The following ZFX variants were observed in gnomAD, a reference collection of about 807,000 sequenced individuals.
ZFX encodes zinc finger X-chromosomal protein.
For missense variants in ZFX, 362 were observed against 628.3 expected (o/e 0.58, Z 4.53); for synonymous variants, 196 against 226.8 (o/e 0.86, Z 1.22).
chrX:24,215,713 G>A lies in ZFX; in HGVS notation c.*4337G>A, dbSNP rs182378161. The A allele has an allele frequency of 1.8e-5, 2 of 111,009 alleles. No homozygotes were observed. Among genetic ancestry groups the A allele is most frequent in the East Asian group, 5.6e-4 (2 of 3,589 alleles). The allele number at this position is 111,009 out of a possible 1,213,427, so 9.1% of individuals were successfully genotyped here. ...AAGTGTGAGCCTGCCAAGTCAACAAGTATGCCTTTAGCGCACATGTAAATA... is the reference window on the plus strand; with the variant it reads ...AAGTGTGAGCCTGCCAAGTCAACAAATATGCCTTTAGCGCACATGTAAATA... On this transcript the variant is annotated 3_prime_UTR_variant, in exon 10 of 10. Transcript: ENST00000304543.
chrX:24,185,339 T>A (rs1196735241), intron 5 of ZFX, among the ~76,000 whole-genome samples: 1 of 112,463 alleles, frequency 8.9e-6, no homozygotes, highest in African/African-American at 3.2e-5. Context: ...GATCATATTT[T>A]AAAATTTAAT....
At chrX:24,164,935 C>T (rs1361933437) in intron 3 of ZFX, among the ~76,000 whole-genome samples, 3 of 102,522 alleles carry the variant, frequency 2.9e-5, no homozygotes, top group South Asian at 4.4e-4. Flanking sequence ...AGTGAAACTC[C>T]GTCTGAAAAA....
At chrX:24,172,693 T>G (rs1452426715) in intron 3 of ZFX, 22 bp from the exon 4 acceptor site, 1 of 1,103,778 alleles carries the variant, frequency 9.1e-7, no homozygotes. Context: ...ATGGCTTTGG[T>G]TTACTTTTTT....
At chrX:24,162,142 C>T (rs760666238) in intron 3 of ZFX, among the ~76,000 whole-genome samples, 7 of 110,974 alleles carry the variant, frequency 6.3e-5, no homozygotes, top group African/African-American at 2.3e-4. Flanking sequence ...GCAGGAGAAT[C>T]GCTTGAACCT....
chrX:24,149,476 A>C (rs1055521392), upstream of ZFX: 1 of 110,589 alleles, frequency 9.0e-6, no homozygotes, highest in African/African-American at 3.3e-5. Flanking sequence ...GCCGCCGGAG[A>C]CCCCGCCGCA....
At chrX:24,194,628 C>G (rs765123590) in intron 5 of ZFX, among the ~76,000 whole-genome samples, 1 of 111,601 alleles carries the variant, frequency 9.0e-6, no homozygotes, top group Non-Finnish European at 1.9e-5. Context: ...ACATTTATTT[C>G]CATGTTTAAT....
rs747079975 is a variant in ZFX at position 24,208,312 on chromosome X, G to A, written c.1035G>A (p.Gln345=). ...CGGCAGCCGCCGCCGTGCACGAGCA[G>A]CAAATGGATGACAATGAAATCAAAA... ...AAAAAAAVHE[Q]QMDDNEIKTF... The change falls in exon 8 of 10, where the codon CAG becomes CAA. Residue 345 remains glutamine (Q), a synonymous_variant. Transcript: ENST00000304543. 8 of 1,210,255 alleles carry A rather than the reference G, an allele frequency of 6.6e-6. No individual in the cohort carries two copies. Among genetic ancestry groups the A allele is most frequent in the Middle Eastern group, 2.3e-4 (1 of 4,348 alleles).
intron 5 of ZFX, among the ~76,000 whole-genome samples, chrX:24,191,370 G>A (rs374041707): frequency 1.8e-5 from 2 of 111,328 alleles, no homozygotes; most frequent in South Asian, 3.8e-4. Context: ...GTCTCTTATA[G>A]GCTATATAAT....
chrX:24,198,526 A>G (rs1047519368), intron 5 of ZFX, among the ~76,000 whole-genome samples: 4 of 107,430 alleles, frequency 3.7e-5, no homozygotes, highest in African/African-American at 1.4e-4. Flanking sequence ...TAATATCTTA[A>G]TGACCAAACA....
intron 9 of ZFX, among the ~76,000 whole-genome samples, chrX:24,209,512 GAATA>G (rs1937894574): frequency 8.9e-6 from 1 of 111,972 alleles, no homozygotes; most frequent in African/African-American, 3.2e-5. Flanking sequence ...ATGTTTTTTG[GAATA>G]AACAGTGGAA....
chrX:24,173,540 C>T, intron 4 of ZFX: 1 of 1,105,085 alleles, frequency 9.0e-7, no homozygotes, highest in Non-Finnish European at 1.2e-6. Flanking sequence ...TTTCAGATTA[C>T]CCATGGTTAT....
At chrX:24,208,797 T>G in intron 8 of ZFX, 103 bp from the exon 9 acceptor site, 1 of 868,218 alleles carries the variant, frequency 1.2e-6, no homozygotes, top group Non-Finnish European at 1.6e-6. Context: ...CTGTCATTCA[T>G]GAGTATCATG....
At chrX:24,195,821 A>G (rs1426749138) in intron 5 of ZFX, among the ~76,000 whole-genome samples, 3 of 111,927 alleles carry the variant, frequency 2.7e-5, no homozygotes, top group Non-Finnish European at 5.6e-5. Context: ...CTTCTGTTTT[A>G]TATGTTCTTT....
intron 5 of ZFX, among the ~76,000 whole-genome samples, chrX:24,206,595 C>T (rs1236194562): frequency 2.0e-5 from 2 of 102,332 alleles, no homozygotes; most frequent in Non-Finnish European, 4.0e-5. Context: ...CCATGGTGCC[C>T]AGCCTGGTCT....
chrX:24,154,745 A>G (rs990141722), intron 3 of ZFX, among the ~76,000 whole-genome samples: 2 of 111,711 alleles, frequency 1.8e-5, no homozygotes, highest in African/African-American at 6.5e-5. Context: ...AAACAGTGCC[A>G]CTTGTTTTAC....
chrX:24,188,685 T>A (rs1447369816), intron 5 of ZFX, among the ~76,000 whole-genome samples: 1 of 111,735 alleles, frequency 8.9e-6, no homozygotes, highest in Non-Finnish European at 1.9e-5. Flanking sequence ...TTAGGCAGAT[T>A]AATAATAACA....
chrX:24,165,064 G>A lies in ZFX; in HGVS notation c.-28-7651G>A, dbSNP rs533599706. 5.6e-4 allele frequency among the ~76,000 whole-genome samples: 63 copies of A among 112,194 alleles called. No homozygotes were observed. In the South Asian group the frequency reaches 0.021, roughly 37 times the overall value. ...AGCTTGAATAAAGTAACATGAAAGC[G>A]AGACTGCACTAATTTAAAAAAACCC... On this transcript the variant is annotated intron_variant, in intron 3 of 9. Coordinates refer to ENST00000304543, the MANE Select transcript of ZFX (RefSeq NM_003410.4).
intron 4 of ZFX, among the ~76,000 whole-genome samples, chrX:24,176,517 C>CG (rs1315096580): frequency 2.0e-5 from 2 of 98,209 alleles, no homozygotes; most frequent in Non-Finnish European, 4.0e-5. Flanking sequence ...AATGCAACCT[C>CG]CGTCTCCTGG....
intron 5 of ZFX, among the ~76,000 whole-genome samples, chrX:24,182,803 TAAAG>T (rs1404307835): frequency 9.1e-6 from 1 of 110,353 alleles, no homozygotes; most frequent in Admixed American, 9.6e-5. Context: ...AACCTGAAGA[TAAAG>T]AAAGGATGGG....
Sources: gnomAD v4.1 joint callset for allele counts (sites outside exome capture counted in the v4.1 genomes callset) on GRCh38, gnomAD v4.1.1 for gene constraint, MANE v1.5 for transcripts, NCBI Gene and HGNC (gene_info 2026-07-23, HGNC 2026-07-21) for gene names.